ERCC5: variants seen among roughly 807,000 people sequenced by gnomAD.
ERCC5 encodes the protein DNA excision repair protein ERCC-5.
A neutral mutation model predicts 105.6 loss-of-function variants in ERCC5; 68 were observed. That is an observed-to-expected ratio of 0.64 (90% CI 0.53 to 0.79). The LOEUF (loss-of-function observed/expected upper bound fraction) is 0.79. Among genes scored for constraint, ERCC5 ranks in the 30% least tolerant of loss-of-function variants. The probability of loss-of-function intolerance (pLI) is 0.00; values close to 1 mark genes in which losing one functional copy is unlikely to be tolerated. For synonymous variants in ERCC5, 546 were observed against 526.2 expected (o/e 1.04, Z -0.51); for missense variants, 1,373 against 1,426.7 (o/e 0.96, Z 0.61).
At chr13:102,846,751 T>C (rs1399138307) in intron 1 of ERCC5, among the ~76,000 whole-genome samples, 1 of 152,252 alleles carries the variant, frequency 6.6e-6, no homozygotes, top group African/African-American at 2.4e-5. Context: ...GTTTTATTTA[T>C]TTATTTTTTT....
intron 6 of ERCC5, among the ~76,000 whole-genome samples, chr13:102,861,284 T>C (rs957682417): frequency 6.6e-6 from 1 of 152,164 alleles, no homozygotes; most frequent in African/African-American, 2.4e-5. Flanking sequence ...CCACCGCACC[T>C]GGCCATAGTA....
At chr13:102,856,164 G>T in intron 5 of ERCC5, 52 bp downstream of exon 5, 2 of 1,554,400 alleles carry the variant, frequency 1.3e-6, no homozygotes, top group South Asian at 2.2e-5. Flanking sequence ...TGAAATGAAT[G>T]ACATGAAAAT....
At chr13:102,855,595 A>G (rs2140520490) in intron 4 of ERCC5, among the ~76,000 whole-genome samples, 1 of 152,234 alleles carries the variant, frequency 6.6e-6, no homozygotes, top group Non-Finnish European at 1.5e-5. Flanking sequence ...CCTTAATTAC[A>G]CTTTCCAGTC....
rs1595372825 is a variant in ERCC5, at chr13:102,846,046, T to G, written c.-221T>G. 1.8e-6 allele frequency: 1 copy of G among 563,644 alleles called. No homozygotes were observed. The allele number at this position is 563,644 out of a possible 1,614,324, so 34.9% of individuals were successfully genotyped here. ...GACCTGTCTTTCTTCCGGGAGGCGG[T>G]GACAGCTGCTGAGACGTGTTGCAGC... On this transcript the variant is annotated 5_prime_UTR_variant, in exon 1 of 15. Transcript: ENST00000652225.
At position 102,848,406 on chromosome 13, in the gene ERCC5, GTCTTATT is replaced by G. The variant is rs553037915; in HGVS notation, c.88+2054_88+2060del. 3.2e-4 allele frequency among the ~76,000 whole-genome samples: 49 copies of G among 152,210 alleles called. 1 individual carries two copies. The South Asian group carries it at 8.5e-3, about 26-fold the overall frequency. ...CTTTAAACCATCTATATAGCTTAGTGTCTTATTTATACAGTCTAAATGTCTGTGTCAA... is the reference window on the plus strand; with the variant it reads ...CTTTAAACCATCTATATAGCTTAGTGTATACAGTCTAAATGTCTGTGTCAA... On this transcript the variant is annotated intron_variant, in intron 1 of 14. Coordinates refer to ENST00000652225, the MANE Select transcript of ERCC5 (RefSeq NM_000123.4).
intron 12 of ERCC5, among the ~76,000 whole-genome samples, chr13:102,870,893 G>A (rs889918553): frequency 3.9e-5 from 6 of 152,128 alleles, no homozygotes; most frequent in Non-Finnish European, 7.3e-5. Flanking sequence ...TACATAGATT[G>A]GTGAGGATTA....
Position 102,862,217 on chromosome 13 carries a change from C to T in ERCC5, c.1068C>T (p.Ser356=), listed in dbSNP as rs1882650095. The T allele has an allele frequency of 6.2e-7, 1 of 1,614,158 alleles. No homozygotes were observed. Among genetic ancestry groups the T allele is most frequent in the Non-Finnish European group, 8.5e-7 (1 of 1,180,038 alleles). The stretch of plus-strand genomic sequence containing the variant: ...TGCAAGCTGCCCTGCTGGGAAGTAG[C>T]TCAGAAGAGGAGCTGGAGAGTGAAA... ...LAMQAALLGS[S]SEEELESENR... The change falls in exon 8 of 15, where the codon AGC becomes AGT. Residue 356 remains serine (S), a synonymous_variant. Transcript: ENST00000652225.
At chr13:102,874,940 G>A in intron 14 of ERCC5, 1 of 209,344 alleles carries the variant, frequency 4.8e-6, no homozygotes, top group East Asian at 1.2e-4. Flanking sequence ...GTTTTTAAAA[G>A]AAAGATATAG....
In ERCC5 at chr13:102,853,745, T is replaced by C. The variant is rs1882288204; in HGVS notation, c.265-12T>C. ...ATCCTGAAGTGAGATCTTACATCCT[T>C]TCTTCTCATAGGTGAAGAGAAGGCA... On this transcript the variant is annotated splice_polypyrimidine_tract_variant and intron_variant, in intron 2 of 14. Coordinates refer to ENST00000652225, the MANE Select transcript of ERCC5 (RefSeq NM_000123.4). 3.7e-6 allele frequency: 6 copies of C among 1,606,994 alleles called. No homozygotes were observed. The highest frequency in any genetic ancestry group is 4.3e-6 in the Non-Finnish European group (5 of 1,173,726).
At position 102,867,482 on chromosome 13, in the gene ERCC5, G is replaced by A. The variant is rs568440360; in HGVS notation, c.2534-631G>A. Among the ~76,000 whole-genome samples the A allele has an allele frequency of 2.0e-5, 3 of 152,260 alleles. No individual in the cohort carries two copies. In the East Asian group the frequency reaches 5.8e-4, roughly 29 times the overall value. The stretch of plus-strand genomic sequence containing the variant: ...AGCAAGCACTGTAGATAGATACCTC[G>A]GGACTAGTGAGTGAAAGGGGCTGAG... On this transcript the variant is annotated intron_variant, in intron 11 of 14. Transcript: ENST00000652225.
rs768299983 is a variant in ERCC5 at position 102,846,238 on chromosome 13, G to C, written c.-29G>C. The C allele has an allele frequency of 6.3e-7, 1 of 1,595,394 alleles. No homozygotes were observed. The highest frequency in any genetic ancestry group is 8.6e-7 in the Non-Finnish European group (1 of 1,165,910). On this transcript the variant is annotated 5_prime_UTR_variant, in exon 1 of 15. Coordinates refer to ENST00000652225, the MANE Select transcript of ERCC5 (RefSeq NM_000123.4). Reference sequence around the variant, plus strand: ...TAGAAGAATTAGAGTAGAAGTTGTCGGGGTCCGCTCTTAGGACGCAGCCGC... The same window carrying C: ...TAGAAGAATTAGAGTAGAAGTTGTCCGGGTCCGCTCTTAGGACGCAGCCGC...
Position 102,846,272 on chromosome 13 carries a change from G to A in ERCC5, c.6G>A (p.Gly2=), listed in dbSNP as rs755260246. The A allele has an allele frequency of 1.2e-6, 2 of 1,613,322 alleles. No homozygotes were observed. Among genetic ancestry groups the A allele is most frequent in the Non-Finnish European group, 1.7e-6 (2 of 1,179,684 alleles). The change falls in exon 1 of 15, where the codon GGG becomes GGA. Residue 2 remains glycine (G), a synonymous_variant. Transcript: ENST00000652225. ...TCTTAGGACGCAGCCGCCTCATGGG[G>A]GTCCAGGGGCTCTGGAAGCTGCTGG... M[G]VQGLWKLLEC...
chr13:102,858,372 AAG>A lies in ERCC5; in HGVS notation c.629_630del (p.Glu210ValfsTer10). 1 of 1,614,150 alleles carries A rather than the reference AAG, an allele frequency of 6.2e-7. No homozygotes were observed. The highest frequency in any genetic ancestry group is 2.2e-5 in the East Asian group (1 of 44,862). Reference sequence around the variant, plus strand: ...AAGCATGAAATCTTGACTGATATGAAAGAGTTCACCAAGCGCAGAAGAACATT... The same window carrying A: ...AAGCATGAAATCTTGACTGATATGAAAGTTCACCAAGCGCAGAAGAACATT... On this transcript the variant is annotated frameshift_variant, in exon 6 of 15. Coordinates refer to ENST00000652225, the MANE Select transcript of ERCC5 (RefSeq NM_000123.4). LOFTEE classifies it high-confidence loss of function.
Position 102,853,889 on chromosome 13 carries a change from A to C in ERCC5, c.380+17A>C, listed in dbSNP as rs1291116606. The C allele has an allele frequency of 6.2e-7, 1 of 1,608,744 alleles. No individual in the cohort carries two copies. The highest frequency in any genetic ancestry group is 1.3e-5 in the African/African-American group (1 of 74,836). ...AAGCAAAAGGCAAGAGGAAAATTAT[A>C]GTCGTGTTAGAGATGAAGTTTTAAA... On this transcript the variant is annotated intron_variant, in intron 3 of 14. Transcript: ENST00000652225.
In ERCC5 at chr13:102,863,112, C is replaced by G. The variant is rs931406119; in HGVS notation, c.1954+9C>G. 1 of 1,612,068 alleles carries G rather than the reference C, an allele frequency of 6.2e-7. No homozygotes were observed. The highest frequency in any genetic ancestry group is 8.5e-7 in the Non-Finnish European group (1 of 1,179,644). On this transcript the variant is annotated intron_variant, in intron 8 of 14. Transcript: ENST00000652225. Reference sequence around the variant, plus strand: ...AGAAAGTGAATCTGATGGTACGTGTCTGTGCTTTTGTAGAAATCTGGAACG... The same window carrying G: ...AGAAAGTGAATCTGATGGTACGTGTGTGTGCTTTTGTAGAAATCTGGAACG...
intron 6 of ERCC5, among the ~76,000 whole-genome samples, chr13:102,859,810 TAGC>T (rs4150304): frequency 7.5e-4 from 114 of 152,332 alleles, no homozygotes; most frequent in African/African-American, 2.7e-3. Context: ...TAGGTAATAA[TAGC>T]AGTAGTAATA....
Position 102,875,289 on chromosome 13 carries a change from C to A in ERCC5, c.2965-18C>A, listed in dbSNP as rs1204352177. 5 of 1,609,356 alleles carry A rather than the reference C, an allele frequency of 3.1e-6. No homozygotes were observed. The highest frequency in any genetic ancestry group is 3.3e-5 in the Admixed American group (2 of 59,804). On this transcript the variant is annotated intron_variant, in intron 14 of 14. Transcript: ENST00000652225. ...ACTTGTCTGATTTATTATTATTATT[C>A]TTTTGTTATTTTTTTAGACACAGCT...
intron 11 of ERCC5, among the ~76,000 whole-genome samples, chr13:102,867,158 G>A (rs1019128863): frequency 1.3e-5 from 2 of 152,222 alleles, no homozygotes; most frequent in African/African-American, 4.8e-5. Flanking sequence ...CTGTATTCGG[G>A]TTTCTGGCAC....
At chr13:102,853,619 A>G (rs1235338424) in intron 2 of ERCC5, 138 bp from the exon 3 acceptor site, 5 of 812,814 alleles carry the variant, frequency 6.2e-6, no homozygotes, top group South Asian at 4.9e-5. Flanking sequence ...ATACACTGAT[A>G]TGGCAATTAG....
Sources: gnomAD v4.1 joint callset for allele counts (sites outside exome capture counted in the v4.1 genomes callset) on GRCh38, gnomAD v4.1.1 for gene constraint, MANE v1.5 for transcripts, NCBI Gene and HGNC (gene_info 2026-07-23, HGNC 2026-07-21) for gene names.